ANO10: variants seen among roughly 807,000 people sequenced by gnomAD.
ANO10 encodes anoctamin-10.
Under a neutral mutation model 74.7 loss-of-function variants are expected in ANO10, and 77 were observed. The observed-to-expected ratio is 1.03, with a 90% CI of 0.86 to 1.25. The LOEUF is 1.25. Among genes scored for constraint, ANO10 ranks in the 50% most tolerant of loss-of-function variants. ANO10 has a pLI of 0.00. For missense variants in ANO10, 721 were observed against 778.1 expected, an observed-to-expected ratio of 0.93 and a Z score of 0.87; for synonymous variants, 279 against 284.9, an observed-to-expected ratio of 0.98 and a Z score of 0.21.
At position 43,537,281 on chromosome 3, in the gene ANO10, A is replaced by T. The variant is rs2149266403; in HGVS notation, c.1797+12439T>A. 2.0e-5 allele frequency among the ~76,000 whole-genome samples: 3 copies of T among 152,282 alleles called. 1 individual carries two copies. The South Asian group carries it at 6.2e-4, about 32-fold the overall frequency. On this transcript the variant is annotated intron_variant, in intron 11 of 12. Transcript: ENST00000292246. ...CTTGGGTTTCCTTTTCCAGCATAAA[A>T]GAATATCAACAAACTGTATTCTTTC...
rs1169454342 is a variant in ANO10, at chr3:43,636,099, AT to A, written c.-11-30237del. Among the ~76,000 whole-genome samples, 3 of 152,192 alleles carry A rather than the reference AT, an allele frequency of 2.0e-5. No individual in the cohort carries two copies. The East Asian group carries it at 5.8e-4, about 29-fold the overall frequency. On this transcript the variant is annotated intron_variant, in intron 1 of 3. Transcript: ENST00000413397. The stretch of plus-strand genomic sequence containing the variant: ...CCCGGAAGCAGACCCTGAAACAAAG[AT>A]TCAAGTGCAAGCTGTTTATTTGAAG...
chr3:43,650,878 C>T (rs554119157), intron 1 of ANO10, among the ~76,000 whole-genome samples: 61 of 152,126 alleles, frequency 4.0e-4, no homozygotes, highest in East Asian at 7.7e-4. Flanking sequence ...AACACACTTG[C>T]GGAAGTTATA....
chr3:43,457,816 T>C (rs552928039), intron 11 of ANO10, among the ~76,000 whole-genome samples: 2 of 152,308 alleles, frequency 1.3e-5, no homozygotes, highest in Admixed American at 6.5e-5. Context: ...AATTAACTAA[T>C]GTGTTCTGAG....
intron 11 of ANO10, among the ~76,000 whole-genome samples, chr3:43,450,851 T>G (rs889490425): frequency 6.6e-6 from 1 of 152,208 alleles, no homozygotes; most frequent in African/African-American, 2.4e-5. Flanking sequence ...CCTGAAAAAC[T>G]GCATTTTGGT....
intron 4 of ANO10, among the ~76,000 whole-genome samples, chr3:43,581,938 GAAAAA>G (rs559442226): frequency 7.4e-6 from 1 of 134,622 alleles, no homozygotes; most frequent in Non-Finnish European, 1.6e-5. Context: ...AAAAAAAAAA[GAAAAA>G]AAAAAAAGAT....
At chr3:43,645,221 A>C (rs1171388725) in intron 1 of ANO10, among the ~76,000 whole-genome samples, 2 of 152,100 alleles carry the variant, frequency 1.3e-5, no homozygotes, top group Non-Finnish European at 2.9e-5. Context: ...CGCATCTCAA[A>C]GATTTAAGGT....
intron 11 of ANO10, among the ~76,000 whole-genome samples, chr3:43,516,047 T>C (rs746859710): frequency 6.6e-6 from 1 of 152,194 alleles, no homozygotes; most frequent in East Asian, 1.9e-4. Context: ...GATCACGACC[T>C]TACATTAGCA....
At chr3:43,510,808 T>A (rs2077480497) in intron 11 of ANO10, among the ~76,000 whole-genome samples, 1 of 152,172 alleles carries the variant, frequency 6.6e-6, no homozygotes, top group Non-Finnish European at 1.5e-5. Flanking sequence ...ATTAAACCCA[T>A]CAAATTTACA....
intron 11 of ANO10, among the ~76,000 whole-genome samples, chr3:43,504,849 C>T (rs1306621978): frequency 6.6e-6 from 1 of 152,092 alleles, no homozygotes; most frequent in East Asian, 1.9e-4. Context: ...AACATGTTAG[C>T]CAGGCTGGTC....
chr3:43,429,732 T>C (rs1246472160), intron 12 of ANO10, among the ~76,000 whole-genome samples: 1 of 152,186 alleles, frequency 6.6e-6, no homozygotes, highest in Non-Finnish European at 1.5e-5. Flanking sequence ...TGCATAAGCA[T>C]AGACAGATCT....
intron 12 of ANO10, among the ~76,000 whole-genome samples, chr3:43,402,822 C>T (rs1244826724): frequency 6.6e-6 from 1 of 152,232 alleles, no homozygotes; most frequent in African/African-American, 2.4e-5. Flanking sequence ...CAGTAGACCA[C>T]TGAAGTGGGC....
At chr3:43,664,187 A>G (rs1307278306) in intron 1 of ANO10, among the ~76,000 whole-genome samples, 1 of 152,156 alleles carries the variant, frequency 6.6e-6, no homozygotes, top group African/African-American at 2.4e-5. Flanking sequence ...ACAGATATAT[A>G]GACCAGTAGA....
At chr3:43,638,387 T>C (rs1402694900) in intron 1 of ANO10, among the ~76,000 whole-genome samples, 1 of 152,222 alleles carries the variant, frequency 6.6e-6, no homozygotes, top group Non-Finnish European at 1.5e-5. Flanking sequence ...AAATTTTGTA[T>C]TATAATTACC....
intron 3 of ANO10, among the ~76,000 whole-genome samples, chr3:43,599,665 G>C (rs1288137000): frequency 6.6e-6 from 1 of 152,040 alleles, no homozygotes; most frequent in Non-Finnish European, 1.5e-5. Context: ...CAGCACTTTG[G>C]GAGGCCGAGG....
chr3:43,643,159 G>A (rs867756762), intron 1 of ANO10, among the ~76,000 whole-genome samples: 2 of 151,390 alleles, frequency 1.3e-5, no homozygotes, highest in African/African-American at 2.4e-5. Context: ...AGCCTCCCGA[G>A]TAGCTGGGAC....
At chr3:43,517,635 A>G (rs1167779021) in intron 11 of ANO10, among the ~76,000 whole-genome samples, 2 of 152,156 alleles carry the variant, frequency 1.3e-5, no homozygotes, top group Non-Finnish European at 2.9e-5. Flanking sequence ...AAAAGCTAGG[A>G]AAAAAGGTCT....
chr3:43,583,720 G>A (rs966652938), intron 4 of ANO10, among the ~76,000 whole-genome samples: 3 of 152,196 alleles, frequency 2.0e-5, no homozygotes, highest in East Asian at 1.9e-4. Flanking sequence ...GCCTTTGCAC[G>A]ATGAAGACAG....
intron 1 of ANO10, among the ~76,000 whole-genome samples, chr3:43,634,848 G>T (rs1192858731): frequency 6.6e-6 from 1 of 152,146 alleles, no homozygotes; most frequent in South Asian, 2.1e-4. Flanking sequence ...AGAGGGCCTC[G>T]TGAGAGGATT....
At chr3:43,480,382 G>A (rs1438701346) in intron 11 of ANO10, among the ~76,000 whole-genome samples, 8 of 152,150 alleles carry the variant, frequency 5.3e-5, no homozygotes, top group African/African-American at 1.9e-4. Flanking sequence ...GACCACAAAG[G>A]CATATCATTG....
Sources: allele counts gnomAD v4.1 joint callset (sites outside exome capture counted in the v4.1 genomes callset), GRCh38; gene constraint gnomAD v4.1.1; transcripts MANE v1.5; gene names NCBI Gene and HGNC (gene_info 2026-07-23, HGNC 2026-07-21).